CCBE1: variants seen among roughly 807,000 people sequenced by gnomAD.
CCBE1 encodes collagen and calcium binding EGF domains 1, also known as collagen and calcium-binding EGF domain-containing protein 1.
Under a neutral mutation model 50.0 loss-of-function variants are expected in CCBE1, and 37 were observed. That is an observed-to-expected ratio of 0.74 (90% CI 0.57 to 0.97). The LOEUF is 0.97. Among genes scored for constraint, CCBE1 ranks in the 50% least tolerant of loss-of-function variants. The probability of loss-of-function intolerance (pLI) is 0.00; values close to 1 mark genes in which losing one functional copy is unlikely to be tolerated. For synonymous variants in CCBE1, 234 were observed against 203.7 expected, an observed-to-expected ratio of 1.15 and a Z score of -1.27; for missense variants, 538 against 523.8, an observed-to-expected ratio of 1.03 and a Z score of -0.26.
At chr18:59,461,300 C>CTTTTT (rs11379671) in intron 5 of CCBE1, among the ~76,000 whole-genome samples, 1 of 133,690 alleles carries the variant, frequency 7.5e-6, no homozygotes, top group Non-Finnish European at 1.6e-5. Flanking sequence ...AGTGGAGGCA[C>CTTTTT]TTTTTTTTTT....
chr18:59,671,502 A>G (rs1455195062), intron 2 of CCBE1, among the ~76,000 whole-genome samples: 12 of 56,302 alleles, frequency 2.1e-4, no homozygotes, highest in African/African-American at 1.3e-3. Context: ...TGTCTCAGAA[A>G]AAAAAAAAAA....
At chr18:59,692,672 C>T (rs2054747839) in intron 2 of CCBE1, among the ~76,000 whole-genome samples, 1 of 152,214 alleles carries the variant, frequency 6.6e-6, no homozygotes, top group Admixed American at 6.5e-5. Flanking sequence ...TTCACATTCT[C>T]ACAAGACTTG....
At chr18:59,525,476 G>C (rs1914780665) in intron 2 of CCBE1, among the ~76,000 whole-genome samples, 1 of 152,140 alleles carries the variant, frequency 6.6e-6, no homozygotes, top group African/African-American at 2.4e-5. Context: ...GGTTGCAAAA[G>C]TTCCTCGTAG....
rs568443679 is a variant in CCBE1, at chr18:59,651,881, G to A, written c.212+44748C>T. Among the ~76,000 whole-genome samples, 5 of 152,314 alleles carry A rather than the reference G, an allele frequency of 3.3e-5. No homozygotes were observed. In the South Asian group the frequency reaches 1.0e-3, roughly 32 times the overall value. On this transcript the variant is annotated intron_variant, in intron 2 of 10. Transcript: ENST00000439986. The stretch of plus-strand genomic sequence containing the variant: ...CACATATACAGTGTGTAGCAATCAA[G>A]TCAGTGTATTCAGGGTGTCCATTAT...
chr18:59,522,902 G>C (rs928697344), intron 2 of CCBE1, among the ~76,000 whole-genome samples: 1 of 150,462 alleles, frequency 6.6e-6, no homozygotes, highest in African/African-American at 2.5e-5. Flanking sequence ...TGCAGGAGGA[G>C]AGTGGTGTGA....
At chr18:59,603,470 G>C (rs922985255) in intron 2 of CCBE1, among the ~76,000 whole-genome samples, 4 of 152,124 alleles carry the variant, frequency 2.6e-5, no homozygotes, top group African/African-American at 9.7e-5. Flanking sequence ...TAAAACATCT[G>C]ATTTAAATAT....
At position 59,626,145 on chromosome 18, in the gene CCBE1, G is replaced by A. The variant is rs558265860; in HGVS notation, c.212+70484C>T. 3.9e-4 allele frequency among the ~76,000 whole-genome samples: 60 copies of A among 152,242 alleles called. No homozygotes were observed. The South Asian group carries it at 9.1e-3, about 23-fold the overall frequency. ...TCTATGATGGACAAATAAACAGAGG[G>A]CACTCAATTTGACCAATCTTAGTAT... is the stretch of plus-strand genomic sequence containing the variant. On this transcript the variant is annotated intron_variant, in intron 2 of 10. Transcript: ENST00000439986.
At chr18:59,655,821 G>A (rs1329946086) in intron 2 of CCBE1, among the ~76,000 whole-genome samples, 1 of 152,192 alleles carries the variant, frequency 6.6e-6, no homozygotes, top group African/African-American at 2.4e-5. Context: ...ACAAGTTCCA[G>A]AGGACTTTCA....
chr18:59,672,811 C>T (rs895398524), intron 2 of CCBE1, among the ~76,000 whole-genome samples: 3 of 152,040 alleles, frequency 2.0e-5, no homozygotes, highest in Non-Finnish European at 4.4e-5. Context: ...GGGAACTAAA[C>T]TATGAGGATG....
intron 2 of CCBE1, among the ~76,000 whole-genome samples, chr18:59,631,091 T>C (rs1320021506): frequency 6.6e-6 from 1 of 152,110 alleles, no homozygotes; most frequent in Non-Finnish European, 1.5e-5. Flanking sequence ...ATTCAGGTGG[T>C]CCCATGACCT....
chr18:59,653,429 C>T (rs1330294543), intron 2 of CCBE1, among the ~76,000 whole-genome samples: 1 of 152,230 alleles, frequency 6.6e-6, no homozygotes, highest in Non-Finnish European at 1.5e-5. Flanking sequence ...GGACTCATCA[C>T]TCACTAGACA....
At chr18:59,508,993 T>G (rs1278450522) in intron 2 of CCBE1, among the ~76,000 whole-genome samples, 1 of 152,206 alleles carries the variant, frequency 6.6e-6, no homozygotes, top group Non-Finnish European at 1.5e-5. Context: ...GTTGCTGGGT[T>G]GCATTCTATG....
At chr18:59,453,709 G>A (rs1283802237) in intron 6 of CCBE1, among the ~76,000 whole-genome samples, 1 of 152,108 alleles carries the variant, frequency 6.6e-6, no homozygotes, top group African/African-American at 2.4e-5. Flanking sequence ...CAACAGGGAA[G>A]ATACACCTCT....
chr18:59,609,863 G>A (rs528086329), intron 2 of CCBE1, among the ~76,000 whole-genome samples: 1 of 152,284 alleles, frequency 6.6e-6, no homozygotes, highest in South Asian at 2.1e-4. Flanking sequence ...GTAAGTACCA[G>A]GGATAATATT....
chr18:59,440,814 G>T (rs1173931014), intron 7 of CCBE1, among the ~76,000 whole-genome samples: 6 of 152,144 alleles, frequency 3.9e-5, no homozygotes, highest in Admixed American at 3.9e-4. Flanking sequence ...CAGGAGAACT[G>T]AAAATGTCCC....
intron 2 of CCBE1, among the ~76,000 whole-genome samples, chr18:59,535,965 G>C (rs1302624076): frequency 6.6e-6 from 1 of 152,172 alleles, no homozygotes; most frequent in African/African-American, 2.4e-5. Context: ...TTGGATTACA[G>C]GCACAAGCCA....
rs78865579 is a variant in CCBE1 at position 59,453,533 on chromosome 18, A to T, written c.654+1318T>A. Among the ~76,000 whole-genome samples, 2,254 of 152,298 alleles carry T rather than the reference A, an allele frequency of 0.015. 120 individuals carry two copies. The East Asian group carries it at 0.2, about 14-fold the overall frequency. On this transcript the variant is annotated intron_variant, in intron 6 of 10. Transcript: ENST00000439986. ...TCTGTTAAGCAGATCACGTCATCAG[A>T]GTCGTAAAAAAGGCCTGCAAACCAT... is the stretch of plus-strand genomic sequence containing the variant.
chr18:59,476,671 G>A (rs1342870300), intron 3 of CCBE1, among the ~76,000 whole-genome samples: 1 of 152,236 alleles, frequency 6.6e-6, no homozygotes, highest in Non-Finnish European at 1.5e-5. Flanking sequence ...CAAATACGAG[G>A]CAGCAACGCT....
intron 5 of CCBE1, among the ~76,000 whole-genome samples, chr18:59,457,383 C>T (rs773927850): frequency 1.3e-5 from 2 of 152,210 alleles, no homozygotes; most frequent in Non-Finnish European, 2.9e-5. Context: ...CAGGTCCCAT[C>T]TCTGTCACTG....
Sources: allele counts gnomAD v4.1 joint callset (sites outside exome capture counted in the v4.1 genomes callset), GRCh38; gene constraint gnomAD v4.1.1; transcripts MANE v1.5; gene names NCBI Gene and HGNC (gene_info 2026-07-23, HGNC 2026-07-21).